The following CALN1 variants were observed in gnomAD, a reference collection of about 807,000 sequenced individuals.
CALN1 encodes calneuron 1, also known as calcium-binding protein 8.
In CALN1, 17 loss-of-function variants were observed where a neutral mutation model predicts 30.6. That is an observed-to-expected ratio of 0.56 (90% confidence interval 0.38 to 0.83). The LOEUF is 0.83. Among genes scored for constraint, CALN1 ranks in the 40% least tolerant of loss-of-function variants. CALN1 has a pLI of 0.00. For synonymous variants in CALN1, 156 were observed against 131.4 expected (o/e 1.19, Z -1.28); for missense variants, 291 against 354.9 (o/e 0.82, Z 1.45).
intron 2 of CALN1, among the ~76,000 whole-genome samples, chr7:72,320,131 C>T (rs911998381): frequency 2.6e-5 from 4 of 151,944 alleles, no homozygotes; most frequent in Non-Finnish European, 1.5e-5. Flanking sequence ...GAGACTCCAT[C>T]TCATAAAAAA....
intron 5 of CALN1, among the ~76,000 whole-genome samples, chr7:71,890,680 T>C (rs974095581): frequency 2.0e-5 from 3 of 151,926 alleles, no homozygotes; most frequent in Admixed American, 2.0e-4. Flanking sequence ...TATACCTATA[T>C]ACCTATACCT....
At chr7:72,056,997 G>A (rs370378782) in intron 4 of CALN1, among the ~76,000 whole-genome samples, 3 of 152,194 alleles carry the variant, frequency 2.0e-5, no homozygotes, top group African/African-American at 7.2e-5. Context: ...CCGGAGTGCA[G>A]CGGCATGATC....
intron 5 of CALN1, among the ~76,000 whole-genome samples, chr7:71,882,553 A>G (rs746071793): frequency 1.1e-4 from 16 of 152,152 alleles, no homozygotes; most frequent in South Asian, 2.1e-4. Context: ...TAGCCACACT[A>G]GCCATCTTGC....
intron 3 of CALN1, among the ~76,000 whole-genome samples, chr7:72,236,184 T>C (rs1386212216): frequency 2.0e-5 from 3 of 152,040 alleles, no homozygotes; most frequent in Non-Finnish European, 4.4e-5. Flanking sequence ...CACCTAATTA[T>C]TGGGATAGTG....
At chr7:72,196,682 G>T (rs1791029130) in intron 3 of CALN1, among the ~76,000 whole-genome samples, 1 of 152,232 alleles carries the variant, frequency 6.6e-6, no homozygotes, top group Admixed American at 6.5e-5. Context: ...ATTTATCCAA[G>T]GCAGCAGGGA....
At chr7:71,892,655 A>G (rs978102690) in intron 5 of CALN1, among the ~76,000 whole-genome samples, 1 of 152,212 alleles carries the variant, frequency 6.6e-6, no homozygotes, top group Admixed American at 6.5e-5. Flanking sequence ...TTCAATAATT[A>G]TTATAGATAT....
intron 5 of CALN1, among the ~76,000 whole-genome samples, chr7:71,855,873 G>A (rs555312737): frequency 1.3e-5 from 2 of 152,254 alleles, no homozygotes; most frequent in Admixed American, 6.5e-5. Context: ...TAAGAGTCCT[G>A]ACTACATGTG....
chr7:72,217,886 G>A (rs561818999), intron 3 of CALN1, among the ~76,000 whole-genome samples: 220 of 138,120 alleles, frequency 1.6e-3, no homozygotes, highest in Admixed American at 2.7e-3. Context: ...TGTTTCATGC[G>A]GGCTGGACTG....
intron 2 of CALN1, among the ~76,000 whole-genome samples, chr7:72,360,446 G>C (rs903676157): frequency 2.6e-5 from 4 of 151,650 alleles, no homozygotes; most frequent in Non-Finnish European, 5.9e-5. Context: ...AAAAAAATCA[G>C]AGAAAGATTG....
intron 2 of CALN1, among the ~76,000 whole-genome samples, chr7:72,322,510 T>C (rs555527739): frequency 6.6e-6 from 1 of 152,266 alleles, no homozygotes; most frequent in Non-Finnish European, 1.5e-5. Flanking sequence ...TCTCCAAGCT[T>C]CCAATTCTGA....
chr7:72,428,399 T>TA (rs113819149), intron 1 of CALN1, among the ~76,000 whole-genome samples: 118 of 149,348 alleles, frequency 7.9e-4, no homozygotes, highest in African/African-American at 2.5e-3. Context: ...ATTTTATTAT[T>TA]TTTTTTTTTT....
chr7:72,142,001 G>C lies in CALN1; in HGVS notation c.245-35707C>G, dbSNP rs144002839. Among the ~76,000 whole-genome samples the C allele has an allele frequency of 4.5e-3, 690 of 152,328 alleles. 7 individuals are homozygous for C. The highest frequency in any genetic ancestry group is 7.7e-3 in the Non-Finnish European group (523 of 68,022). On this transcript the variant is annotated intron_variant, in intron 3 of 6. Transcript: ENST00000395275. ...ATATGATCTGCAGGGGTGGTTCCAA[G>C]ATGGCCGAATAGGAACAGCTCCAGT...
intron 3 of CALN1, among the ~76,000 whole-genome samples, chr7:72,111,191 G>A (rs899868519): frequency 4.6e-5 from 7 of 152,146 alleles, no homozygotes; most frequent in Non-Finnish European, 1.0e-4. Context: ...ATGTCTTTGT[G>A]GGCCACAGAA....
chr7:72,219,667 G>T (rs772129073), intron 3 of CALN1, among the ~76,000 whole-genome samples: 4 of 131,188 alleles, frequency 3.0e-5, no homozygotes, highest in African/African-American at 5.4e-5. Flanking sequence ...ACACACCCTT[G>T]CACACACATG....
chr7:72,415,605 TAAC>T (rs1807397016), upstream of CALN1, among the ~76,000 whole-genome samples: 2 of 152,200 alleles, frequency 1.3e-5, no homozygotes, highest in Admixed American at 6.5e-5. Context: ...CAAGAAGAAA[TAAC>T]AAACACACAA....
intron 5 of CALN1, among the ~76,000 whole-genome samples, chr7:71,976,130 T>C (rs748212684): frequency 3.3e-5 from 5 of 151,896 alleles, no homozygotes; most frequent in African/African-American, 1.2e-4. Context: ...GGGTCCACCA[T>C]TGACTTTATT....
chr7:72,158,650 A>G (rs1404274111), intron 3 of CALN1, among the ~76,000 whole-genome samples: 3 of 152,110 alleles, frequency 2.0e-5, no homozygotes, highest in Non-Finnish European at 4.4e-5. Flanking sequence ...ACAGCAAGAC[A>G]CATCCCTCTT....
At chr7:72,236,983 TTTTTA>T (rs1451911574) in intron 3 of CALN1, among the ~76,000 whole-genome samples, 1 of 151,336 alleles carries the variant, frequency 6.6e-6, no homozygotes, top group Non-Finnish European at 1.5e-5. Context: ...TTTTTTTCTA[TTTTTA>T]TTTTTTTTTT....
In CALN1 at chr7:72,291,963, C is replaced by T. The variant is rs377211733; in HGVS notation, c.120-13153G>A. ...TGATGGTATTAGCAGATAGGGGCCA[C>T]CGCACTTCAGCCTGGGTGACAGAAC... is the stretch of plus-strand genomic sequence containing the variant. On this transcript the variant is annotated intron_variant, in intron 2 of 6. Transcript: ENST00000395275. Among the ~76,000 whole-genome samples the T allele has an allele frequency of 2.0e-5, 3 of 150,548 alleles. No homozygotes were observed. In the East Asian group the frequency reaches 5.9e-4, roughly 29 times the overall value.
Sources: allele counts gnomAD v4.1 joint callset (sites outside exome capture counted in the v4.1 genomes callset), GRCh38; gene constraint gnomAD v4.1.1; transcripts MANE v1.5; gene names NCBI Gene and HGNC (gene_info 2026-07-23, HGNC 2026-07-21).